CPQ: variants seen among roughly 807,000 people sequenced by gnomAD.
The protein encoded by CPQ is carboxypeptidase Q.
Under a neutral mutation model 45.7 loss-of-function variants are expected in CPQ, and 37 were observed. That is an observed-to-expected ratio of 0.81 (90% CI 0.62 to 1.07). CPQ has a LOEUF of 1.07. CPQ is among the 50% of genes least tolerant of loss of function. CPQ has a pLI of 0.00. For missense variants in CPQ, 537 were observed against 572.9 expected (o/e 0.94, Z 0.64); for synonymous variants, 186 against 205.8 (o/e 0.90, Z 0.82).
At chr8:97,001,420 C>G (rs775496382) in intron 5 of CPQ, among the ~76,000 whole-genome samples, 4 of 152,088 alleles carry the variant, frequency 2.6e-5, no homozygotes, top group Admixed American at 6.6e-5. Flanking sequence ...TATGTTCCTT[C>G]AATACCTAGT....
At chr8:96,771,877 G>A (rs1810547804) in intron 1 of CPQ, among the ~76,000 whole-genome samples, 1 of 151,932 alleles carries the variant, frequency 6.6e-6, no homozygotes, top group Non-Finnish European at 1.5e-5. Context: ...ATTTTTAGCA[G>A]GCATGAGTAC....
intron 1 of CPQ, among the ~76,000 whole-genome samples, chr8:96,722,683 T>C (rs1459795682): frequency 6.6e-6 from 1 of 152,194 alleles, no homozygotes; most frequent in African/African-American, 2.4e-5. Flanking sequence ...AAAATCTTAG[T>C]GGCTTAACAC....
At chr8:96,738,406 T>A (rs533962133) in intron 1 of CPQ, among the ~76,000 whole-genome samples, 1 of 152,070 alleles carries the variant, frequency 6.6e-6, no homozygotes, top group South Asian at 2.1e-4. Context: ...ATATGTAAAT[T>A]GTTTTTTTTT....
chr8:96,860,453 G>T (rs1437284336), intron 3 of CPQ, among the ~76,000 whole-genome samples: 1 of 152,088 alleles, frequency 6.6e-6, no homozygotes, highest in Non-Finnish European at 1.5e-5. Flanking sequence ...TCCTTTGGAT[G>T]GTTCACTCAG....
intron 1 of CPQ, among the ~76,000 whole-genome samples, chr8:96,708,342 T>C (rs895993589): frequency 6.6e-6 from 1 of 152,014 alleles, no homozygotes; most frequent in Non-Finnish European, 1.5e-5. Flanking sequence ...AGACTGGATA[T>C]TTTTGTGTGG....
chr8:96,709,434 C>A (rs1378396423), intron 1 of CPQ, among the ~76,000 whole-genome samples: 1 of 152,058 alleles, frequency 6.6e-6, no homozygotes, highest in Admixed American at 6.6e-5. Context: ...TAGTTCATTC[C>A]TTTTTATGGC....
intron 1 of CPQ, among the ~76,000 whole-genome samples, chr8:96,673,678 A>T (rs887911685): frequency 1.3e-5 from 2 of 152,020 alleles, no homozygotes; most frequent in Admixed American, 6.6e-5. Context: ...TAGAGATGAG[A>T]TCTGAACATA....
chr8:96,848,521 G>T (rs1166132219), intron 3 of CPQ, among the ~76,000 whole-genome samples: 1 of 152,126 alleles, frequency 6.6e-6, no homozygotes, highest in East Asian at 1.9e-4. Context: ...ATTGCTCTTT[G>T]TATGACAGTG....
At chr8:96,902,009 A>G (rs1812518270) in intron 4 of CPQ, among the ~76,000 whole-genome samples, 1 of 152,196 alleles carries the variant, frequency 6.6e-6, no homozygotes, top group African/African-American at 2.4e-5. Context: ...AAGACTACAC[A>G]GACCAGGACT....
chr8:96,895,604 T>C (rs561115624), intron 4 of CPQ, among the ~76,000 whole-genome samples: 1 of 152,252 alleles, frequency 6.6e-6, no homozygotes, highest in African/African-American at 2.4e-5. Flanking sequence ...TTTGTGATAA[T>C]TGGGTAATTT....
At chr8:96,862,629 G>A (rs894107035) in intron 3 of CPQ, among the ~76,000 whole-genome samples, 7 of 151,920 alleles carry the variant, frequency 4.6e-5, no homozygotes, top group African/African-American at 1.2e-4. Flanking sequence ...GTAGAGCTAC[G>A]ACATAAAGGA....
chr8:96,976,998 T>C (rs1428877692), intron 5 of CPQ, among the ~76,000 whole-genome samples: 1 of 152,070 alleles, frequency 6.6e-6, no homozygotes, highest in Non-Finnish European at 1.5e-5. Flanking sequence ...GATAGACATA[T>C]GGGACTCAAT....
intron 4 of CPQ, among the ~76,000 whole-genome samples, chr8:96,891,338 C>G (rs1417420315): frequency 6.6e-6 from 1 of 152,180 alleles, no homozygotes; most frequent in Non-Finnish European, 1.5e-5. Context: ...GACCTGCCAC[C>G]AAGTAGCTGG....
At chr8:96,755,101 AC>A (rs939222478) in intron 1 of CPQ, among the ~76,000 whole-genome samples, 6 of 151,946 alleles carry the variant, frequency 3.9e-5, no homozygotes, top group Admixed American at 3.9e-4. Flanking sequence ...TTCTTTTAAA[AC>A]AAAATTCTTG....
intron 2 of CPQ, among the ~76,000 whole-genome samples, chr8:96,812,426 G>GA (rs997990342): frequency 7.2e-5 from 11 of 152,138 alleles, no homozygotes; most frequent in South Asian, 4.2e-4. Flanking sequence ...GCTGTTCATG[G>GA]AAAAAAATGC....
intron 1 of CPQ, among the ~76,000 whole-genome samples, chr8:96,743,947 C>G (rs1464484843): frequency 1.3e-5 from 2 of 152,190 alleles, no homozygotes; most frequent in African/African-American, 4.8e-5. Flanking sequence ...GTGCCCTGCC[C>G]CCAGAGGTGG....
chr8:96,666,984 A>C (rs1808932989), intron 1 of CPQ, among the ~76,000 whole-genome samples: 1 of 151,864 alleles, frequency 6.6e-6, no homozygotes, highest in African/African-American at 2.4e-5. Context: ...TAGCTCCCAG[A>C]TTTACTTCTT....
Position 96,764,967 on chromosome 8 carries a change from G to A in CPQ, c.-34-19897G>A, listed in dbSNP as rs115245094. 2.1e-3 allele frequency among the ~76,000 whole-genome samples: 326 copies of A among 152,298 alleles called. 1 individual carries two copies. Among genetic ancestry groups the A allele is most frequent in the African/African-American group, 7.4e-3 (308 of 41,574 alleles). On this transcript the variant is annotated intron_variant, in intron 1 of 7. Transcript: ENST00000220763. ...GTCCACAATTGGCTCCCCCAACTGC[G>A]TTTGAAATTCAGTAAAACCAGCCTT...
At chr8:96,694,266 T>C (rs1809342222) in intron 1 of CPQ, among the ~76,000 whole-genome samples, 1 of 152,010 alleles carries the variant, frequency 6.6e-6, no homozygotes, top group Non-Finnish European at 1.5e-5. Flanking sequence ...AAGACCTTAC[T>C]TATCAGTAAT....
Sources: allele counts gnomAD v4.1 joint callset (sites outside exome capture counted in the v4.1 genomes callset), GRCh38; gene constraint gnomAD v4.1.1; transcripts MANE v1.5; gene names NCBI Gene and HGNC (gene_info 2026-07-23, HGNC 2026-07-21).